PRDM16: variants seen among roughly 807,000 people sequenced by gnomAD.
The protein encoded by PRDM16 is PR/SET domain 16, also known as histone-lysine N-methyltransferase PRDM16.
Under a neutral mutation model 110.6 loss-of-function variants are expected in PRDM16, and 23 were observed. The observed-to-expected ratio is 0.21, with a 90% CI of 0.15 to 0.29. The LOEUF (loss-of-function observed/expected upper bound fraction) is 0.29, where lower values mean the gene tolerates loss of function less well. Ranked by LOEUF, PRDM16 falls within the 10% of genes least tolerant of loss-of-function variation. The probability of loss-of-function intolerance (pLI) is 1.00; values close to 1 mark genes in which losing one functional copy is unlikely to be tolerated. For missense variants in PRDM16, 1,615 were observed against 1,794.3 expected (o/e 0.90, Z 1.81); for synonymous variants, 799 against 781.8 (o/e 1.02, Z -0.37).
At position 3,435,172 on chromosome 1, in the gene PRDM16, C is replaced by T. The variant is rs1638873666; in HGVS notation, c.*1361C>T. ...GGCTTTAAATTATTCCCATAGGGGC[C>T]AATTTCAAATAATAATTTTTTTCCC... On this transcript the variant is annotated 3_prime_UTR_variant, in exon 17 of 17. Coordinates refer to ENST00000270722, the MANE Select transcript of PRDM16 (RefSeq NM_022114.4). 1 of 224,666 alleles carries T rather than the reference C, an allele frequency of 4.5e-6. No individual in the cohort carries two copies. The highest frequency in any genetic ancestry group is 2.2e-5 in the African/African-American group (1 of 44,810). 13.9% of individuals were successfully genotyped at this position (224,666 alleles called of 1,614,324 possible).
chr1:3,368,300 C>G (rs1241867571), intron 3 of PRDM16, among the ~76,000 whole-genome samples: 2 of 152,230 alleles, frequency 1.3e-5, no homozygotes, highest in Non-Finnish European at 2.9e-5. Context: ...TCCGACACCT[C>G]TGTCTGGAGA....
At chr1:3,114,319 A>G (rs1569587638) in intron 1 of PRDM16, among the ~76,000 whole-genome samples, 3 of 148,192 alleles carry the variant, frequency 2.0e-5, no homozygotes, top group Admixed American at 1.3e-4. Context: ...ACACACGCAC[A>G]CACGCAGTGT....
rs1259141957 is a variant in PRDM16, at chr1:3,339,176, T to C, written c.439-45976T>C. ...TGCTCTCTCCTTCTGGAGGGCAGCT[T>C]CCTGGCCACCCTCACCTCCAGCTGC... On this transcript the variant is annotated intron_variant, in intron 3 of 16. Transcript: ENST00000270722. The surrounding 1 kb of genome is among the most constrained non-coding windows in gnomAD (Gnocchi z 5.0). Among the ~76,000 whole-genome samples the C allele has an allele frequency of 1.3e-5, 2 of 152,234 alleles. No individual in the cohort carries two copies. Among genetic ancestry groups the C allele is most frequent in the African/African-American group, 4.8e-5 (2 of 41,554 alleles).
At chr1:3,224,081 G>A (rs2100871138) in intron 2 of PRDM16, among the ~76,000 whole-genome samples, 1 of 152,262 alleles carries the variant, frequency 6.6e-6, no homozygotes, top group South Asian at 2.1e-4. Context: ...AGCCGGCTCT[G>A]CCCCTCAAAT....
At chr1:3,131,943 G>A (rs370469997) in intron 1 of PRDM16, among the ~76,000 whole-genome samples, 8 of 152,316 alleles carry the variant, frequency 5.3e-5, no homozygotes, top group South Asian at 2.1e-4. Flanking sequence ...ATGCTAGTCC[G>A]TTTAATATGT....
chr1:3,378,994 C>T (rs1643044473), intron 3 of PRDM16, among the ~76,000 whole-genome samples: 1 of 151,894 alleles, frequency 6.6e-6, no homozygotes, highest in Non-Finnish European at 1.5e-5. Flanking sequence ...TCAGGCATCT[C>T]AGGGGAGACC....
At chr1:3,285,768 G>C (rs1364435119) in intron 3 of PRDM16, among the ~76,000 whole-genome samples, 1 of 152,052 alleles carries the variant, frequency 6.6e-6, no homozygotes, top group Non-Finnish European at 1.5e-5. Flanking sequence ...GCAGAGGAAA[G>C]CCCCCCCACC....
chr1:3,211,528 T>A (rs1197459541), intron 2 of PRDM16, among the ~76,000 whole-genome samples: 1 of 152,160 alleles, frequency 6.6e-6, no homozygotes, highest in Non-Finnish European at 1.5e-5. Context: ...CAGATTCGTG[T>A]CTTGAAAACA....
intron 2 of PRDM16, among the ~76,000 whole-genome samples, chr1:3,239,482 C>G (rs1033425076): frequency 2.0e-5 from 3 of 152,276 alleles, no homozygotes; most frequent in Non-Finnish European, 4.4e-5. Context: ...GCTCCATCAG[C>G]CTTGCCATTT....
rs547567037 is a variant in PRDM16, at chr1:3,416,973, G to A, written c.2692-855G>A. ...AAATCTTCAAAGAGAAGGGGAGCTG[G>A]GAGAGGCAGGGCTGACACTGAGCAG... On this transcript the variant is annotated intron_variant, in intron 10 of 16. Transcript: ENST00000270722. Among the ~76,000 whole-genome samples the A allele has an allele frequency of 1.2e-3, 182 of 152,356 alleles. 1 individual carries two copies. The highest frequency in any genetic ancestry group is 4.0e-3 in the African/African-American group (165 of 41,596).
Position 3,246,913 on chromosome 1 carries a change from G to A in PRDM16, c.438+2776G>A, listed in dbSNP as rs905511559. 2.0e-5 allele frequency among the ~76,000 whole-genome samples: 3 copies of A among 152,168 alleles called. No individual in the cohort carries two copies. The highest frequency in any genetic ancestry group is 4.4e-5 in the Non-Finnish European group (3 of 68,028). On this transcript the variant is annotated intron_variant, in intron 3 of 16. Transcript: ENST00000270722. The surrounding 1 kb of genome is among the most constrained non-coding windows in gnomAD (Gnocchi z 5.2). ...AGACCAGGACAGACAGCCCTCGAGT[G>A]GGCGTCAGTCCAGACGGAGACCCCA...
intron 4 of PRDM16, among the ~76,000 whole-genome samples, chr1:3,389,778 C>T (rs759795449): frequency 2.6e-4 from 39 of 152,302 alleles, no homozygotes; most frequent in Admixed American, 4.6e-4. Flanking sequence ...CACACAGCTG[C>T]GGGGACCGAG....
chr1:3,433,502 C>T (rs528643199), intron 16 of PRDM16, among the ~76,000 whole-genome samples, 175 bp from the exon 17 acceptor site: 115 of 144,908 alleles, frequency 7.9e-4, no homozygotes, highest in Non-Finnish European at 1.4e-3. Context: ...TGGGATGGCC[C>T]GCCCTGCCCA....
chr1:3,425,808 G>A lies in PRDM16; in HGVS notation c.3109+58G>A. 1 of 1,596,178 alleles carries A rather than the reference G, an allele frequency of 6.3e-7. No individual in the cohort carries two copies. On this transcript the variant is annotated intron_variant, in intron 13 of 16. Transcript: ENST00000270722. This position sits in a 1 kb window ranked among gnomAD's most constrained non-coding sequence, Gnocchi z 6.9. ...CACCCACACGGGCAGGCCCCACAGA[G>A]GGGGAGGGGGAACAGCAGGGGAGTG...
chr1:3,412,781 T>C lies in PRDM16; in HGVS notation c.2584T>C (p.Phe862Leu). The change falls in exon 9 of 17, where the codon TTC becomes CTC. Residue 862 changes from phenylalanine (F) to leucine (L), a missense_variant. Phe to Leu is a conservative substitution (Grantham distance 22). Around this residue, in one of 5 missense-constraint regions of PRDM16, gnomAD observed 772 missense variants for 748.3 expected, o/e 1.03. Coordinates refer to ENST00000270722, the MANE Select transcript of PRDM16 (RefSeq NM_022114.4). ...CCACTACGCCAAGCCCTCGCCCTTC[T>C]TCATGGACCCCATCTACAGGTATTC... is the stretch of plus-strand genomic sequence containing the variant. ...PLHYAKPSPF[F>L]MDPIYSRVEK... 3.4e-6 allele frequency: 5 copies of C among 1,474,916 alleles called. No homozygotes were observed. Among genetic ancestry groups the C allele is most frequent in the Non-Finnish European group, 3.6e-6 (4 of 1,112,664 alleles). The allele number at this position is 1,474,916 out of a possible 1,614,324, so 91.4% of individuals were successfully genotyped here. A position where few individuals can be genotyped will look rare whatever the true frequency, so the allele number is the denominator to read the frequency against.
At chr1:3,337,967 C>T (rs1356356063) in intron 3 of PRDM16, among the ~76,000 whole-genome samples, 2 of 152,204 alleles carry the variant, frequency 1.3e-5, no homozygotes, top group Non-Finnish European at 2.9e-5. Flanking sequence ...CACTGGCACG[C>T]ACATGTGTGA....
chr1:3,301,719 C>A (rs1641212583), intron 3 of PRDM16, among the ~76,000 whole-genome samples: 1 of 152,150 alleles, frequency 6.6e-6, no homozygotes, highest in Non-Finnish European at 1.5e-5. Context: ...TGTTACTAAC[C>A]CCAAGCAAAG....
chr1:3,356,468 C>G (rs1642605001), intron 3 of PRDM16, among the ~76,000 whole-genome samples: 1 of 152,206 alleles, frequency 6.6e-6, no homozygotes, highest in African/African-American at 2.4e-5. Flanking sequence ...GAAATCCTCC[C>G]TTTCCAACAG....
At chr1:3,295,425 G>A (rs993836488) in intron 3 of PRDM16, among the ~76,000 whole-genome samples, 7 of 152,160 alleles carry the variant, frequency 4.6e-5, no homozygotes, top group Admixed American at 1.3e-4. Flanking sequence ...ACGGAGGTGC[G>A]ACTTCCTCCC....
Sources: allele counts gnomAD v4.1 joint callset (sites outside exome capture counted in the v4.1 genomes callset), GRCh38; gene constraint gnomAD v4.1.1; regional missense constraint gnomAD v4.1.1; non-coding constraint Gnocchi (gnomAD v3.1); transcripts MANE v1.5; gene names NCBI Gene and HGNC (gene_info 2026-07-23, HGNC 2026-07-21).